The following XYLT1 variants were observed in gnomAD, a reference collection of about 807,000 sequenced individuals.
The protein encoded by XYLT1 is beta-D-xylosyltransferase 1.
Under a neutral mutation model 91.3 loss-of-function variants are expected in XYLT1, and 36 were observed. The observed-to-expected ratio is 0.39, with a 90% confidence interval of 0.30 to 0.52. The LOEUF is 0.52. XYLT1 is among the 20% of genes least tolerant of loss of function. The probability of loss-of-function intolerance (pLI) is 0.68; values close to 1 mark genes in which losing one functional copy is unlikely to be tolerated. For missense variants in XYLT1, 1,242 were observed against 1,284.5 expected, an observed-to-expected ratio of 0.97 and a Z score of 0.51; for synonymous variants, 588 against 532.0, an observed-to-expected ratio of 1.11 and a Z score of -1.45.
chr16:17,115,881 A>G (rs1017040491), intron 11 of XYLT1, among the ~76,000 whole-genome samples: 2 of 150,922 alleles, frequency 1.3e-5, no homozygotes, highest in Non-Finnish European at 2.9e-5. Context: ...CAACAACAGA[A>G]ACTTATGTGT....
intron 2 of XYLT1, among the ~76,000 whole-genome samples, chr16:17,326,873 C>A (rs2034812123): frequency 6.6e-6 from 1 of 151,720 alleles, no homozygotes; most frequent in South Asian, 2.1e-4. Context: ...AAAAAACACA[C>A]AGGACCTCTT....
chr16:17,460,783 T>C (rs1187491547), intron 1 of XYLT1, among the ~76,000 whole-genome samples: 2 of 152,208 alleles, frequency 1.3e-5, no homozygotes, highest in Non-Finnish European at 2.9e-5. Flanking sequence ...CGGCATATCC[T>C]AATCTTTAAA....
chr16:17,230,080 T>C (rs1326354127), intron 3 of XYLT1, among the ~76,000 whole-genome samples: 2 of 152,178 alleles, frequency 1.3e-5, no homozygotes, highest in East Asian at 3.9e-4. Flanking sequence ...CTTCTCCAGA[T>C]CCTCTAGAAC....
chr16:17,330,011 A>G (rs924502989), intron 2 of XYLT1, among the ~76,000 whole-genome samples: 5 of 152,106 alleles, frequency 3.3e-5, no homozygotes, highest in African/African-American at 1.2e-4. Context: ...GGTGAGGGTT[A>G]AATGAGAACA....
chr16:17,143,366 G>A (rs1459316273), intron 6 of XYLT1, among the ~76,000 whole-genome samples: 1 of 152,078 alleles, frequency 6.6e-6, no homozygotes, highest in East Asian at 1.9e-4. Context: ...ACAGGTCAAG[G>A]AGAAGTAAGG....
rs574221313 is a variant in XYLT1, at chr16:17,268,822, G to A, written c.403-9324C>T. 4.6e-5 allele frequency among the ~76,000 whole-genome samples: 7 copies of A among 152,084 alleles called. No homozygotes were observed. The East Asian group carries it at 7.8e-4, about 17-fold the overall frequency. On this transcript the variant is annotated intron_variant, in intron 2 of 11. Transcript: ENST00000261381. ...CAAGTAGCACGGATTACAGGTGCCCGCCACCATGCCCGACTAATTTTTGTA... is the reference window on the plus strand; with the variant it reads ...CAAGTAGCACGGATTACAGGTGCCCACCACCATGCCCGACTAATTTTTGTA...
Position 17,429,380 on chromosome 16 carries a change from A to G in XYLT1, c.363+41054T>C, listed in dbSNP as rs562588645. Among the ~76,000 whole-genome samples the G allele has an allele frequency of 9.8e-5, 15 of 152,326 alleles. No homozygotes were observed. In the South Asian group the frequency reaches 2.9e-3, roughly 29 times the overall value. ...GCAATAAAATCACTGGCCCAAAATAATTCTGCCGCAGGTTAACTCAACGGC... is the reference window on the plus strand; with the variant it reads ...GCAATAAAATCACTGGCCCAAAATAGTTCTGCCGCAGGTTAACTCAACGGC... On this transcript the variant is annotated intron_variant, in intron 1 of 11. Coordinates refer to ENST00000261381, the MANE Select transcript of XYLT1 (RefSeq NM_022166.4).
At chr16:17,163,581 G>A (rs1282616132) in intron 5 of XYLT1, among the ~76,000 whole-genome samples, 1 of 152,214 alleles carries the variant, frequency 6.6e-6, no homozygotes, top group Non-Finnish European at 1.5e-5. Context: ...TGCCAGAGGT[G>A]CTCACAGCCC....
chr16:17,396,424 ACACAAACTCACT>A (rs2035887589), intron 1 of XYLT1, among the ~76,000 whole-genome samples: 1 of 152,204 alleles, frequency 6.6e-6, no homozygotes, highest in African/African-American at 2.4e-5. Context: ...AGGACCTTCC[ACACAAACTCACT>A]GTGAGAAATG....
At position 17,153,457 on chromosome 16, in the gene XYLT1, T is replaced by A. The variant is rs199526136; in HGVS notation, c.1370+5372A>T. On this transcript the variant is annotated intron_variant, in intron 6 of 11. Coordinates refer to ENST00000261381, the MANE Select transcript of XYLT1 (RefSeq NM_022166.4). Reference sequence around the variant, plus strand: ...AACTTTATTATTTTTAGAGACATGATCTCGCTTTGTCACCCAGGCTGCAAT... The same window carrying A: ...AACTTTATTATTTTTAGAGACATGAACTCGCTTTGTCACCCAGGCTGCAAT... 5.3e-5 allele frequency among the ~76,000 whole-genome samples: 8 copies of A among 152,294 alleles called. No homozygotes were observed. In the South Asian group the frequency reaches 6.2e-4, roughly 12 times the overall value.
At chr16:17,210,712 T>C (rs1303377018) in intron 3 of XYLT1, among the ~76,000 whole-genome samples, 1 of 152,226 alleles carries the variant, frequency 6.6e-6, no homozygotes, top group Non-Finnish European at 1.5e-5. Context: ...GCCCAGTGTG[T>C]TCTTAAATGC....
At chr16:17,273,268 A>T (rs912919038) in intron 2 of XYLT1, among the ~76,000 whole-genome samples, 2 of 152,230 alleles carry the variant, frequency 1.3e-5, no homozygotes, top group African/African-American at 4.8e-5. Context: ...TCAGAAAATT[A>T]CATCATCAAA....
intron 3 of XYLT1, among the ~76,000 whole-genome samples, chr16:17,208,813 C>T (rs2032705882): frequency 6.6e-6 from 1 of 152,284 alleles, no homozygotes; most frequent in South Asian, 2.1e-4. Flanking sequence ...CAACCTCCAC[C>T]TCCCGGGTTC....
chr16:17,359,466 C>T (rs1025904449), intron 1 of XYLT1, among the ~76,000 whole-genome samples: 2 of 152,124 alleles, frequency 1.3e-5, no homozygotes, highest in South Asian at 4.1e-4. Context: ...GTAAGAGGCA[C>T]GATCTCAGAA....
chr16:17,362,253 T>C (rs2035394318), intron 1 of XYLT1, among the ~76,000 whole-genome samples: 1 of 152,228 alleles, frequency 6.6e-6, no homozygotes, highest in Admixed American at 6.5e-5. Context: ...TTTTTTTTTT[T>C]ACCATCTGTC....
At chr16:17,362,092 A>G (rs2141866362) in intron 1 of XYLT1, among the ~76,000 whole-genome samples, 1 of 152,304 alleles carries the variant, frequency 6.6e-6, no homozygotes, top group South Asian at 2.1e-4. Flanking sequence ...CTTACACTGG[A>G]GAACACTGGG....
chr16:17,200,439 C>T, intron 4 of XYLT1, 43 bp downstream of exon 4: 1 of 1,592,418 alleles, frequency 6.3e-7, no homozygotes, highest in Non-Finnish European at 8.6e-7. Flanking sequence ...ACGGACAGAC[C>T]CCGAAGAAAG....
chr16:17,263,380 G>T (rs1414657935), intron 2 of XYLT1, among the ~76,000 whole-genome samples: 1 of 152,032 alleles, frequency 6.6e-6, no homozygotes, highest in East Asian at 1.9e-4. Context: ...GATTCTGATG[G>T]GACTCATGAT....
chr16:17,399,441 C>T (rs1317517835), intron 1 of XYLT1, among the ~76,000 whole-genome samples: 5 of 152,148 alleles, frequency 3.3e-5, no homozygotes, highest in African/African-American at 2.4e-5. Flanking sequence ...GCCCTGCTCC[C>T]TCCTCATTAC....
Sources: gnomAD v4.1 joint callset for allele counts (sites outside exome capture counted in the v4.1 genomes callset) on GRCh38, gnomAD v4.1.1 for gene constraint, MANE v1.5 for transcripts, NCBI Gene and HGNC (gene_info 2026-07-23, HGNC 2026-07-21) for gene names.